MCHR2: variants seen among roughly 807,000 people sequenced by gnomAD.
The protein encoded by MCHR2 is melanin-concentrating hormone receptor 2.
Under a neutral mutation model 24.8 loss-of-function variants are expected in MCHR2, and 15 were observed. That is an observed-to-expected ratio of 0.60 (90% CI 0.40 to 0.93). MCHR2 has a LOEUF of 0.93. Among genes scored for constraint, MCHR2 ranks in the 40% least tolerant of loss-of-function variants. MCHR2 has a pLI of 0.00. For missense variants in MCHR2, 386 were observed against 408.7 expected (o/e 0.94, Z 0.48); for synonymous variants, 151 against 147.6 (o/e 1.02, Z -0.17).
chr6:99,956,438 T>G (rs1436059040), intron 1 of MCHR2, among the ~76,000 whole-genome samples: 1 of 152,128 alleles, frequency 6.6e-6, no homozygotes, highest in Non-Finnish European at 1.5e-5. Context: ...TACTATATGC[T>G]TTGAGCATAG....
chr6:99,947,930 AG>A lies in MCHR2; in HGVS notation c.223del (p.Leu75TrpfsTer9). The A allele has an allele frequency of 6.2e-7, 1 of 1,613,728 alleles. No homozygotes were observed. The highest frequency in any genetic ancestry group is 8.5e-7 in the Non-Finnish European group (1 of 1,179,766). Reference protein sequence around the residue: ...KTVPDIYICNLAVADLVHIVG... With the variant: ...KTVPDIYICNXAVADLVHIVG... ...TATGTGGACCAAATCAGCCACAGCC[AG>A]GTTGCAGATATAGATGTCAGGGACT... On this transcript the variant is annotated frameshift_variant, in exon 3 of 6. Transcript: ENST00000281806. LOFTEE classifies it high-confidence loss of function.
At chr6:99,973,651 A>G (rs533911522) in intron 1 of MCHR2, among the ~76,000 whole-genome samples, 18 of 152,300 alleles carry the variant, frequency 1.2e-4, no homozygotes, top group African/African-American at 4.3e-4. Context: ...GTTTCTTCCT[A>G]GCCTTGATGG....
At chr6:99,990,059 CAA>C (rs35741969) in intron 1 of MCHR2, among the ~76,000 whole-genome samples, 1 of 151,326 alleles carries the variant, frequency 6.6e-6, no homozygotes. Context: ...CTTTAAAAAA[CAA>C]AAAAAAAACT....
intron 1 of MCHR2, among the ~76,000 whole-genome samples, chr6:99,989,719 C>T (rs1775832753): frequency 6.6e-6 from 1 of 152,116 alleles, no homozygotes; most frequent in Non-Finnish European, 1.5e-5. Flanking sequence ...ATTTCAAGAA[C>T]ATTACATAAG....
chr6:99,989,728 A>C (rs1440890803), intron 1 of MCHR2, among the ~76,000 whole-genome samples: 1 of 152,168 alleles, frequency 6.6e-6, no homozygotes, highest in Non-Finnish European at 1.5e-5. Flanking sequence ...ACATTACATA[A>C]GTCTCTGATA....
At chr6:99,962,473 G>A (rs1775207190) in intron 1 of MCHR2, among the ~76,000 whole-genome samples, 1 of 152,140 alleles carries the variant, frequency 6.6e-6, no homozygotes, top group Admixed American at 6.6e-5. Context: ...TCTTCAACAA[G>A]GGTGCCAAAG....
At chr6:99,960,753 G>T (rs1007672283) in intron 1 of MCHR2, among the ~76,000 whole-genome samples, 1 of 152,158 alleles carries the variant, frequency 6.6e-6, no homozygotes, top group Non-Finnish European at 1.5e-5. Flanking sequence ...TTAATAAATG[G>T]TGTTGGGAAA....
Position 99,920,794 on chromosome 6 carries a change from T to G in MCHR2, c.*146A>C. ...GTTAGCATATTAAGCTCATTGTATTTGCATGGTTACACTTCTCTTCCATGC... is the reference window on the plus strand; with the variant it reads ...GTTAGCATATTAAGCTCATTGTATTGGCATGGTTACACTTCTCTTCCATGC... On this transcript the variant is annotated 3_prime_UTR_variant, in exon 6 of 6. Coordinates refer to ENST00000281806, the MANE Select transcript of MCHR2 (RefSeq NM_001040179.2). 1.3e-6 allele frequency: 1 copy of G among 762,110 alleles called. No homozygotes were observed. The highest frequency in any genetic ancestry group is 2.5e-5 in the East Asian group (1 of 39,474). 47.2% of individuals were successfully genotyped at this position (762,110 alleles called of 1,614,324 possible).
At chr6:99,961,952 C>T (rs1040057443) in intron 1 of MCHR2, among the ~76,000 whole-genome samples, 4 of 152,070 alleles carry the variant, frequency 2.6e-5, no homozygotes, top group African/African-American at 9.7e-5. Flanking sequence ...TTTATTTTTT[C>T]CTTCTTCACA....
intron 5 of MCHR2, among the ~76,000 whole-genome samples, chr6:99,933,054 T>G (rs1282835252): frequency 6.7e-6 from 1 of 150,108 alleles, no homozygotes; most frequent in Non-Finnish European, 1.5e-5. Context: ...TATTTTAAAA[T>G]AAAACATATT....
Position 99,990,333 on chromosome 6 carries a change from TTCTA to T in MCHR2, c.-28+3599_-28+3602del, listed in dbSNP as rs137907693. ...AACTTGTTCTCATAAAACAAGTGGT[TTCTA>T]TCTGTCTCTCTTAATGTTAGAGTCA... On this transcript the variant is annotated intron_variant, in intron 1 of 5. Transcript: ENST00000281806. Among the ~76,000 whole-genome samples, 276 of 152,358 alleles carry T rather than the reference TTCTA, an allele frequency of 1.8e-3. 1 individual carries two copies. Among genetic ancestry groups the T allele is most frequent in the African/African-American group, 6.4e-3 (266 of 41,580 alleles).
chr6:99,926,287 A>G (rs1001332616), intron 5 of MCHR2, among the ~76,000 whole-genome samples: 6 of 152,130 alleles, frequency 3.9e-5, no homozygotes, highest in African/African-American at 9.7e-5. Context: ...TAGTGCCACA[A>G]TAAACATACG....
chr6:99,971,747 T>C (rs1775426807), intron 1 of MCHR2, among the ~76,000 whole-genome samples: 1 of 152,222 alleles, frequency 6.6e-6, no homozygotes, highest in African/African-American at 2.4e-5. Flanking sequence ...CAATACCTAA[T>C]TTATTGAGAG....
At chr6:99,933,682 G>A (rs931083829) in intron 5 of MCHR2, among the ~76,000 whole-genome samples, 1 of 151,940 alleles carries the variant, frequency 6.6e-6, no homozygotes, top group Non-Finnish European at 1.5e-5. Flanking sequence ...GTAGTGTGCA[G>A]GGAAACCCAG....
At chr6:99,942,532 T>C (rs1281563906) in intron 4 of MCHR2, among the ~76,000 whole-genome samples, 1 of 152,114 alleles carries the variant, frequency 6.6e-6, no homozygotes. Flanking sequence ...AAGATCACAT[T>C]CACAGGTATG....
At chr6:99,974,906 AT>A (rs1428309261) in intron 1 of MCHR2, among the ~76,000 whole-genome samples, 1 of 152,164 alleles carries the variant, frequency 6.6e-6, no homozygotes, top group East Asian at 1.9e-4. Flanking sequence ...TGAACCGCAA[AT>A]GCTGCTGCCT....
At chr6:99,931,281 T>G (rs1422072650) in intron 5 of MCHR2, among the ~76,000 whole-genome samples, 1 of 152,038 alleles carries the variant, frequency 6.6e-6, no homozygotes, top group Non-Finnish European at 1.5e-5. Context: ...TGCTCGGGGG[T>G]CAGGGGTCAG....
At chr6:99,991,729 C>A (rs1775880225) in intron 1 of MCHR2, among the ~76,000 whole-genome samples, 1 of 141,028 alleles carries the variant, frequency 7.1e-6, no homozygotes, top group Non-Finnish European at 1.5e-5. Context: ...ATGGCGAGAA[C>A]CCGGGAGGCG....
intron 4 of MCHR2, among the ~76,000 whole-genome samples, chr6:99,937,254 G>C (rs1184903641): frequency 6.6e-6 from 1 of 151,966 alleles, no homozygotes; most frequent in African/African-American, 2.4e-5. Flanking sequence ...TTGAATAAAA[G>C]TGGTGAAAGT....
Sources: allele counts gnomAD v4.1 joint callset (sites outside exome capture counted in the v4.1 genomes callset), GRCh38; gene constraint gnomAD v4.1.1; transcripts MANE v1.5; gene names NCBI Gene and HGNC (gene_info 2026-07-23, HGNC 2026-07-21).